The following RSPO2 variants were observed in gnomAD, a reference collection of about 807,000 sequenced individuals.
RSPO2 encodes R-spondin 2, also known as R-spondin-2.
A neutral mutation model predicts 30.9 loss-of-function variants in RSPO2; 14 were observed. The ratio of observed to expected loss-of-function variants is 0.45; its 90% confidence interval spans 0.30 to 0.71. The LOEUF (loss-of-function observed/expected upper bound fraction) is 0.71. RSPO2 is among the 30% of genes least tolerant of loss of function. The pLI is 0.08. For missense variants in RSPO2, 264 were observed against 301.9 expected (o/e 0.87, Z 0.93); for synonymous variants, 107 against 96.4 (o/e 1.11, Z -0.64).
rs35054419 is a variant in RSPO2 at position 107,992,174 on chromosome 8, T to TACACACACACACACACAC, written c.95-2948_95-2931dup. On this transcript the variant is annotated intron_variant, in intron 2 of 5. Transcript: ENST00000276659. ...AACTGACTGGATAAAGAAAATGTGA[T>TACACACACACACACACAC]ACACACACACACACACACACACACA... is the stretch of plus-strand genomic sequence containing the variant. 6.1e-3 allele frequency among the ~76,000 whole-genome samples: 868 copies of TACACACACACACACACAC among 142,050 alleles called. 13 individuals carry two copies. The highest frequency in any genetic ancestry group is 0.01 in the African/African-American group (385 of 37,142). The allele number at this position is 142,050 out of a possible 152,430, so 93.2% of individuals were successfully genotyped here.
chr8:108,064,567 T>G (rs1441111136), intron 2 of RSPO2, among the ~76,000 whole-genome samples: 2 of 152,216 alleles, frequency 1.3e-5, no homozygotes, highest in African/African-American at 4.8e-5. Context: ...ACTTATACAC[T>G]GTTGGTGGGA....
chr8:108,024,818 G>A (rs1028495685), intron 2 of RSPO2, among the ~76,000 whole-genome samples: 7 of 152,164 alleles, frequency 4.6e-5, no homozygotes, highest in Non-Finnish European at 7.3e-5. Context: ...CTGAAAGTTT[G>A]AGACCAGCTT....
chr8:107,985,808 A>G (rs934723534), intron 3 of RSPO2, among the ~76,000 whole-genome samples: 1 of 152,202 alleles, frequency 6.6e-6, no homozygotes, highest in Non-Finnish European at 1.5e-5. Flanking sequence ...CTGTTAGTAC[A>G]TGTATCACAG....
chr8:108,062,838 C>T (rs961287133), intron 2 of RSPO2, among the ~76,000 whole-genome samples: 1 of 151,832 alleles, frequency 6.6e-6, no homozygotes, highest in Admixed American at 6.6e-5. Flanking sequence ...CCACCATGAT[C>T]AAGTGGGCTT....
At position 107,899,358 on chromosome 8, in the gene RSPO2, A is replaced by T. The variant is rs1392538368; in HGVS notation, c.*1717T>A. Reference sequence around the variant, plus strand: ...ATGCACAAAAAAGAACATCCCAGGAACAACAGGTATTGACTTATTAACGAT... The same window carrying T: ...ATGCACAAAAAAGAACATCCCAGGATCAACAGGTATTGACTTATTAACGAT... On this transcript the variant is annotated 3_prime_UTR_variant, in exon 6 of 6. Coordinates refer to ENST00000276659, the MANE Select transcript of RSPO2 (RefSeq NM_178565.5). 3.9e-5 allele frequency: 6 copies of T among 152,754 alleles called. No individual in the cohort carries two copies. The East Asian group carries it at 1.2e-3, about 29-fold the overall frequency. 9.5% of individuals were successfully genotyped at this position (152,754 alleles called of 1,614,324 possible).
intron 5 of RSPO2, among the ~76,000 whole-genome samples, chr8:107,908,355 T>C (rs1811718465): frequency 6.6e-6 from 1 of 152,160 alleles, no homozygotes. Flanking sequence ...TTCTGTGGTG[T>C]TTCACATAGG....
chr8:108,006,632 A>C (rs987281902), intron 2 of RSPO2, among the ~76,000 whole-genome samples: 1 of 152,100 alleles, frequency 6.6e-6, no homozygotes. Flanking sequence ...GAATTCAAGA[A>C]GAAAGAAGGA....
chr8:107,968,537 A>G (rs1813890626), intron 3 of RSPO2, among the ~76,000 whole-genome samples: 1 of 152,088 alleles, frequency 6.6e-6, no homozygotes, highest in African/African-American at 2.4e-5. Context: ...ACAGTAGGAA[A>G]AACTATAGTT....
chr8:107,971,278 G>A (rs1400919171), intron 3 of RSPO2, among the ~76,000 whole-genome samples: 1 of 152,094 alleles, frequency 6.6e-6, no homozygotes, highest in Non-Finnish European at 1.5e-5. Flanking sequence ...TAAACGGAAA[G>A]TCACGACTTT....
chr8:108,030,543 T>C (rs1325768326), intron 2 of RSPO2, among the ~76,000 whole-genome samples: 2 of 152,154 alleles, frequency 1.3e-5, no homozygotes, highest in Non-Finnish European at 2.9e-5. Context: ...TGCCCAGAAA[T>C]TACTGGGGAA....
intron 4 of RSPO2, among the ~76,000 whole-genome samples, chr8:107,958,677 C>T (rs1813518613): frequency 6.6e-6 from 1 of 152,170 alleles, no homozygotes. Flanking sequence ...ATCTATTCTT[C>T]CTGATGCTCT....
At chr8:108,022,512 T>A (rs931474294) in intron 2 of RSPO2, among the ~76,000 whole-genome samples, 3 of 152,212 alleles carry the variant, frequency 2.0e-5, no homozygotes, top group Non-Finnish European at 4.4e-5. Flanking sequence ...TTCTCATTGC[T>A]CTTAACACAC....
intron 5 of RSPO2, among the ~76,000 whole-genome samples, chr8:107,931,066 T>C (rs1391959398): frequency 6.6e-6 from 1 of 152,176 alleles, no homozygotes; most frequent in African/African-American, 2.4e-5. Flanking sequence ...GTGAAAGAAG[T>C]ATAGATTACT....
chr8:108,055,593 A>G (rs1812219241), intron 2 of RSPO2, among the ~76,000 whole-genome samples: 1 of 152,190 alleles, frequency 6.6e-6, no homozygotes, highest in African/African-American at 2.4e-5. Context: ...TTCAAAACAT[A>G]CTGAAAAGAG....
chr8:108,015,812 C>A (rs1810873257), intron 2 of RSPO2, among the ~76,000 whole-genome samples: 1 of 152,120 alleles, frequency 6.6e-6, no homozygotes, highest in Admixed American at 6.6e-5. Context: ...CCTCCTATTG[C>A]AATAATTTCT....
chr8:108,018,682 AT>A (rs1810968089), intron 2 of RSPO2, among the ~76,000 whole-genome samples: 1 of 152,218 alleles, frequency 6.6e-6, no homozygotes, highest in Admixed American at 6.5e-5. Flanking sequence ...GAGGCACATG[AT>A]AGAAAATCTG....
intron 2 of RSPO2, among the ~76,000 whole-genome samples, chr8:108,058,711 G>A (rs559356663): frequency 6.6e-6 from 1 of 151,898 alleles, no homozygotes; most frequent in Non-Finnish European, 1.5e-5. Flanking sequence ...ACAACTATCT[G>A]ATCTTTCACA....
intron 2 of RSPO2, among the ~76,000 whole-genome samples, chr8:108,049,865 C>CA (rs1201826116): frequency 1.3e-5 from 2 of 152,152 alleles, no homozygotes; most frequent in East Asian, 1.9e-4. Flanking sequence ...AATAAACATA[C>CA]AACTGCATGT....
intron 2 of RSPO2, among the ~76,000 whole-genome samples, chr8:108,044,786 C>T (rs890314386): frequency 1.3e-5 from 2 of 152,102 alleles, no homozygotes; most frequent in Admixed American, 1.3e-4. Context: ...CTCCAAACTG[C>T]TTTCCACAGT....
Sources: gnomAD v4.1 joint callset for allele counts (sites outside exome capture counted in the v4.1 genomes callset) on GRCh38, gnomAD v4.1.1 for gene constraint, MANE v1.5 for transcripts, NCBI Gene and HGNC (gene_info 2026-07-23, HGNC 2026-07-21) for gene names.